KIF5B: variants seen among roughly 807,000 people sequenced by gnomAD.
The protein encoded by KIF5B is kinesin-1 heavy chain.
A neutral mutation model predicts 132.8 loss-of-function variants in KIF5B; 49 were observed. That is an observed-to-expected ratio of 0.37 (90% CI 0.29 to 0.47). The LOEUF is 0.47. Ranked by LOEUF, KIF5B falls within the 20% of genes least tolerant of loss-of-function variation. KIF5B has a pLI of 1.00. For missense variants in KIF5B, 780 were observed against 1,144.0 expected (o/e 0.68, Z 4.59); for synonymous variants, 355 against 369.4 (o/e 0.96, Z 0.45).
At chr10:32,040,607 G>A (rs1394157833) in intron 2 of KIF5B, 150 bp from the exon 3 acceptor site, 4 of 577,160 alleles carry the variant, frequency 6.9e-6, no homozygotes, top group Non-Finnish European at 1.2e-5. Flanking sequence ...TATTCCTAGT[G>A]AGGTATAAAA....
At chr10:32,028,381 C>A in intron 15 of KIF5B, 47 bp downstream of exon 15, 1 of 1,451,884 alleles carries the variant, frequency 6.9e-7, no homozygotes, top group South Asian at 1.2e-5. Context: ...AACAAAAGTG[C>A]CAGTGTATAC....
In KIF5B at chr10:32,022,832, T is replaced by C. The variant is rs943536592; in HGVS notation, c.1914+16A>G. 1 of 1,499,872 alleles carries C rather than the reference T, an allele frequency of 6.7e-7. No individual in the cohort carries two copies. Among genetic ancestry groups the C allele is most frequent in the African/African-American group, 1.4e-5 (1 of 71,686 alleles). The allele number at this position is 1,499,872 out of a possible 1,614,324, so 92.9% of individuals were successfully genotyped here. On this transcript the variant is annotated intron_variant, in intron 16 of 25. Transcript: ENST00000302418. ...GCTGTTTCAAAAAAATGAATAAACT[T>C]TGTTCTATAACATACTTGAGAGATA...
intron 1 of KIF5B, among the ~76,000 whole-genome samples, chr10:32,049,359 T>A (rs1307662340): frequency 1.3e-5 from 2 of 152,098 alleles, no homozygotes; most frequent in East Asian, 3.9e-4. Flanking sequence ...AAGCAGAATA[T>A]CACGGAAACA....
chr10:32,040,529 C>T, intron 2 of KIF5B, 72 bp from the exon 3 acceptor site: 1 of 828,262 alleles, frequency 1.2e-6, no homozygotes. Context: ...ACTTAAACTA[C>T]AGGATGACAG....
At chr10:32,025,316 C>T (rs1384324578) in intron 15 of KIF5B, among the ~76,000 whole-genome samples, 4 of 152,156 alleles carry the variant, frequency 2.6e-5, no homozygotes, top group African/African-American at 9.7e-5. Context: ...CCTAGCACTT[C>T]TAGGTATTTT....
intron 24 of KIF5B, among the ~76,000 whole-genome samples, chr10:32,016,324 CTTGCACCTTCAA>C (rs1564461876): frequency 6.6e-6 from 1 of 151,940 alleles, no homozygotes; most frequent in Non-Finnish European, 1.5e-5. Context: ...GGCATGGTGG[CTTGCACCTTCAA>C]TCCCAGCTAC....
At chr10:32,038,475 A>G (rs937873961) in intron 5 of KIF5B, among the ~76,000 whole-genome samples, 6 of 152,232 alleles carry the variant, frequency 3.9e-5, no homozygotes, top group African/African-American at 1.4e-4. Context: ...TGAATGGTTC[A>G]ATGATTTGCC....
rs757020429 is a variant in KIF5B at position 32,035,656 on chromosome 10, T to A, written c.828A>T (p.Pro276=). The change falls in exon 10 of 26, where the codon CCA becomes CCT. Residue 276 remains proline (P), a synonymous_variant. Transcript: ENST00000302418. ...SALAEGSTYV[P]YRDSKMTRIL... is the part of the protein sequence containing the mutation. The stretch of plus-strand genomic sequence containing the variant: ...TTCTTGTCATTTTACTATCTCGATA[T>A]GGAACATATGTCTGCATACAAAAAC... 1.2e-6 allele frequency: 2 copies of A among 1,607,822 alleles called. No homozygotes were observed. Among genetic ancestry groups the A allele is most frequent in the Non-Finnish European group, 1.7e-6 (2 of 1,177,916 alleles).
At chr10:32,016,601 T>C (rs549754795) in intron 24 of KIF5B, among the ~76,000 whole-genome samples, 4 of 152,240 alleles carry the variant, frequency 2.6e-5, no homozygotes, top group East Asian at 1.9e-4. Flanking sequence ...TCTTGGCTCA[T>C]TGCAATCTCG....
chr10:32,026,948 A>T (rs954342189), intron 15 of KIF5B, among the ~76,000 whole-genome samples: 3 of 152,224 alleles, frequency 2.0e-5, no homozygotes, highest in African/African-American at 7.2e-5. Context: ...ATATGAAGAG[A>T]AGAGTCATGA....
intron 1 of KIF5B, among the ~76,000 whole-genome samples, chr10:32,051,410 T>C (rs1381738251): frequency 6.6e-6 from 1 of 152,178 alleles, no homozygotes; most frequent in Non-Finnish European, 1.5e-5. Context: ...TACCAAGAGA[T>C]ATGCCAGAAA....
At chr10:32,036,603 A>G (rs1481116667) in intron 8 of KIF5B, among the ~76,000 whole-genome samples, 1 of 152,186 alleles carries the variant, frequency 6.6e-6, no homozygotes, top group Non-Finnish European at 1.5e-5. Flanking sequence ...TGTTAAAGAT[A>G]GGTCAGAACA....
chr10:32,014,229 T>C (rs1841125698), intron 25 of KIF5B, among the ~76,000 whole-genome samples: 1 of 152,068 alleles, frequency 6.6e-6, no homozygotes, highest in Non-Finnish European at 1.5e-5. Flanking sequence ...AAAAGCAGGC[T>C]ACAAAATACA....
In KIF5B at chr10:32,033,985, C is replaced by T; in HGVS notation, c.1165G>A (p.Ala389Thr). Residue 389 changes from alanine to threonine, a missense_variant, in exon 12 of 26, where the codon GCT becomes ACT. Physicochemically the swap from Ala to Thr is moderately conservative, Grantham distance 58 (BLOSUM62 0). Transcript: ENST00000302418. Reference sequence around the variant, plus strand: ...GTAATATCTTTATCCACTGTGAAAGCTTCCAAGTTGGCTTTCTCTTTGTCA... The same window carrying T: ...GTAATATCTTTATCCACTGTGAAAGTTTCCAAGTTGGCTTTCTCTTTGTCA... ...QFDKEKANLEAFTVDKDITLT... is the reference protein window; with the variant it reads ...QFDKEKANLETFTVDKDITLT... 1 of 1,604,178 alleles carries T rather than the reference C, an allele frequency of 6.2e-7. No individual in the cohort carries two copies. Among genetic ancestry groups the T allele is most frequent in the Non-Finnish European group, 8.5e-7 (1 of 1,175,714 alleles).
chr10:32,027,613 C>CT (rs34452497), intron 15 of KIF5B, among the ~76,000 whole-genome samples: 432 of 134,948 alleles, frequency 3.2e-3, no homozygotes, highest in South Asian at 5.6e-3. Flanking sequence ...CTGAGCTAAT[C>CT]TTTTTTTTTT....
At position 32,055,741 on chromosome 10, in the gene KIF5B, G is replaced by C. The variant is rs1473147973; in HGVS notation, c.126+107C>G. 23 of 1,432,384 alleles carry C rather than the reference G, an allele frequency of 1.6e-5. No individual in the cohort carries two copies. In the East Asian group the frequency reaches 4.4e-4, roughly 28 times the overall value. The allele number at this position is 1,432,384 out of a possible 1,614,324, so 88.7% of individuals were successfully genotyped here. A position where few individuals can be genotyped will look rare whatever the true frequency, so the allele number is the denominator to read the frequency against. ...CGGCAAACCCCGCCGGGGAGGGCTG[G>C]GGACACCGCCGCTCCCTTTCAATTC... On this transcript the variant is annotated intron_variant, in intron 1 of 25. Coordinates refer to ENST00000302418, the MANE Select transcript of KIF5B (RefSeq NM_004521.3).
intron 17 of KIF5B, 98 bp downstream of exon 17, chr10:32,022,042 C>T (rs1258416010): frequency 1.5e-6 from 1 of 658,296 alleles, no homozygotes; most frequent in Non-Finnish European, 2.7e-6. Flanking sequence ...CGAAATCAGC[C>T]ATATTCCTAC....
rs1307964480 is a variant in KIF5B at position 32,010,816 on chromosome 10, T to C, written c.*721A>G. ...GATCTGCTTTTGATACTTTAAAATA[T>C]TTCTATTCAAAATAACTCGGCAACA... On this transcript the variant is annotated 3_prime_UTR_variant, in exon 26 of 26. Transcript: ENST00000302418. The C allele has an allele frequency of 6.6e-6, 1 of 152,178 alleles. No homozygotes were observed. The highest frequency in any genetic ancestry group is 1.5e-5 in the Non-Finnish European group (1 of 68,020). The allele number at this position is 152,178 out of a possible 1,614,324, so 9.4% of individuals were successfully genotyped here. A position where few individuals can be genotyped will look rare whatever the true frequency, so the allele number is the denominator to read the frequency against.
intron 1 of KIF5B, among the ~76,000 whole-genome samples, chr10:32,049,264 T>A (rs186505750): frequency 1.7e-4 from 26 of 152,264 alleles, no homozygotes; most frequent in Admixed American, 1.4e-3. Context: ...ATTAAAAAAT[T>A]AAGTGACCAG....
Sources: allele counts gnomAD v4.1 joint callset (sites outside exome capture counted in the v4.1 genomes callset), GRCh38; gene constraint gnomAD v4.1.1; transcripts MANE v1.5; gene names NCBI Gene and HGNC (gene_info 2026-07-23, HGNC 2026-07-21).